XKR4: variants seen among roughly 807,000 people sequenced by gnomAD.
XKR4 encodes XK-related protein 4.
A neutral mutation model predicts 53.9 loss-of-function variants in XKR4; 12 were observed. The observed-to-expected ratio is 0.22, with a 90% confidence interval of 0.14 to 0.36. The LOEUF (loss-of-function observed/expected upper bound fraction) is 0.36, where lower values mean the gene tolerates loss of function less well. Ranked by LOEUF, XKR4 falls within the 10% of genes least tolerant of loss-of-function variation. The pLI is 1.00. For missense variants in XKR4, 799 were observed against 859.5 expected, an observed-to-expected ratio of 0.93 and a Z score of 0.88; for synonymous variants, 354 against 362.4, an observed-to-expected ratio of 0.98 and a Z score of 0.26.
rs1039574359 is a variant in XKR4, at chr8:55,527,349, G to A, written c.*3122G>A. 1.3e-5 allele frequency: 2 copies of A among 152,182 alleles called. No individual in the cohort carries two copies. Among genetic ancestry groups the A allele is most frequent in the African/African-American group, 4.8e-5 (2 of 41,450 alleles). The allele number at this position is 152,182 out of a possible 1,614,324, so 9.4% of individuals were successfully genotyped here. A position where few individuals can be genotyped will look rare whatever the true frequency, so the allele number is the denominator to read the frequency against. On this transcript the variant is annotated 3_prime_UTR_variant, in exon 3 of 3. Coordinates refer to ENST00000327381, the MANE Select transcript of XKR4 (RefSeq NM_052898.2). ...TCCTTATCTGCAGGCTCCTTTCTGT[G>A]TCTGAGTCCACTTTGATTCCATTTA...
At chr8:55,309,554 C>T (rs772011976) in intron 1 of XKR4, among the ~76,000 whole-genome samples, 7 of 152,080 alleles carry the variant, frequency 4.6e-5, no homozygotes, top group Non-Finnish European at 7.4e-5. Context: ...GAATTTAATA[C>T]ACACAAGCAC....
intron 1 of XKR4, among the ~76,000 whole-genome samples, chr8:55,307,775 G>A (rs1374932764): frequency 6.6e-6 from 1 of 152,128 alleles, no homozygotes; most frequent in Non-Finnish European, 1.5e-5. Flanking sequence ...TATCAAAATG[G>A]CTAAAATTAA....
In XKR4 at chr8:55,103,240, G is replaced by T. The variant is rs377746227; in HGVS notation, c.752G>T (p.Cys251Phe). ...GKHRSASCSF[C>F]IWLLQSLIHI... is the part of the protein sequence containing the mutation. ...CACAGGTCTGCGTCCTGCTCCTTCT[G>T]CATCTGGCTCCTGCAGTCACTCATC... The change falls in exon 1 of 3, where the codon TGC becomes TTC. Residue 251 changes from cysteine to phenylalanine, a missense_variant. Physicochemically the swap from Cys to Phe is radical, Grantham distance 205. This residue lies in a region of XKR4 where 476 missense variants were observed against 505.4 expected (regional missense o/e 0.94). Coordinates refer to ENST00000327381, the MANE Select transcript of XKR4 (RefSeq NM_052898.2). 1 of 1,613,704 alleles carries T rather than the reference G, an allele frequency of 6.2e-7. No homozygotes were observed. The highest frequency in any genetic ancestry group is 1.3e-5 in the African/African-American group (1 of 74,928).
intron 2 of XKR4, among the ~76,000 whole-genome samples, chr8:55,457,250 C>T (rs186183752): frequency 6.6e-6 from 1 of 150,490 alleles, no homozygotes; most frequent in South Asian, 2.1e-4. Context: ...TCACGCCATT[C>T]TCCTGCCTCA....
At chr8:55,322,158 C>A (rs1207441805) in intron 1 of XKR4, among the ~76,000 whole-genome samples, 1 of 152,160 alleles carries the variant, frequency 6.6e-6, no homozygotes, top group South Asian at 2.1e-4. Flanking sequence ...ATGCTTTTAT[C>A]CCTAAGTAAT....
At chr8:55,133,266 A>C (rs1816583250) in intron 1 of XKR4, among the ~76,000 whole-genome samples, 1 of 152,250 alleles carries the variant, frequency 6.6e-6, no homozygotes, top group South Asian at 2.1e-4. Context: ...TTTGGAAAGA[A>C]AACTTTTTAA....
At chr8:55,226,339 G>A (rs1585951308) in intron 1 of XKR4, among the ~76,000 whole-genome samples, 1 of 152,204 alleles carries the variant, frequency 6.6e-6, no homozygotes, top group African/African-American at 2.4e-5. Flanking sequence ...TGCACTCTCA[G>A]TAGGTGATTG....
In XKR4 at chr8:55,186,573, A is replaced by G. The variant is rs1011681497; in HGVS notation, c.806+83279A>G. 3.9e-5 allele frequency among the ~76,000 whole-genome samples: 6 copies of G among 152,040 alleles called. No homozygotes were observed. The East Asian group carries it at 9.7e-4, about 24-fold the overall frequency. On this transcript the variant is annotated intron_variant, in intron 1 of 2. Coordinates refer to ENST00000327381, the MANE Select transcript of XKR4 (RefSeq NM_052898.2). ...CAGGAGGCTGAGGCAAGAGAATGGC[A>G]TGAACCCAGGAGGCAGAGTTTGCAG...
Position 55,148,105 on chromosome 8 carries a change from G to A in XKR4, c.806+44811G>A, listed in dbSNP as rs114853759. On this transcript the variant is annotated intron_variant, in intron 1 of 2. Coordinates refer to ENST00000327381, the MANE Select transcript of XKR4 (RefSeq NM_052898.2). ...TGCAAAAAATGCATGAACACCGAGT[G>A]CTCAAGTGGTTCCATAAATACAGAG... Among the ~76,000 whole-genome samples the A allele has an allele frequency of 1.7e-3, 252 of 152,258 alleles. 2 individuals carry two copies. The highest frequency in any genetic ancestry group is 5.7e-3 in the African/African-American group (236 of 41,544).
At chr8:55,231,935 TC>T (rs1440936421) in intron 1 of XKR4, among the ~76,000 whole-genome samples, 9 of 152,336 alleles carry the variant, frequency 5.9e-5, no homozygotes, top group Middle Eastern at 3.4e-3. Context: ...TGTGCACATT[TC>T]CCACCTGAGG....
chr8:55,222,278 T>A (rs9298530), intron 1 of XKR4, among the ~76,000 whole-genome samples: 1 of 152,142 alleles, frequency 6.6e-6, no homozygotes, highest in East Asian at 1.9e-4. Flanking sequence ...CTAATATTTC[T>A]GCATTCTGCT....
At chr8:55,165,072 G>T (rs1817048140) in intron 1 of XKR4, among the ~76,000 whole-genome samples, 1 of 152,186 alleles carries the variant, frequency 6.6e-6, no homozygotes, top group Non-Finnish European at 1.5e-5. Context: ...AGTAGGATGG[G>T]CAGGTCCCAT....
At chr8:55,178,776 C>T (rs1817267713) in intron 1 of XKR4, among the ~76,000 whole-genome samples, 2 of 152,142 alleles carry the variant, frequency 1.3e-5, no homozygotes, top group African/African-American at 4.8e-5. Flanking sequence ...GGAACTCTTC[C>T]ATCTCTAACA....
chr8:55,450,799 G>C, intron 2 of XKR4: 1 of 523,510 alleles, frequency 1.9e-6, no homozygotes, highest in South Asian at 1.8e-5. Flanking sequence ...CTGCACCAAG[G>C]ATACCACATG....
chr8:55,441,063 A>C (rs1211536338), intron 2 of XKR4, among the ~76,000 whole-genome samples: 2 of 82,792 alleles, frequency 2.4e-5, no homozygotes, highest in Non-Finnish European at 4.5e-5. Context: ...CCTCATCTCT[A>C]CAAAAAAAAA....
intron 1 of XKR4, among the ~76,000 whole-genome samples, chr8:55,189,762 T>C (rs1450755240): frequency 6.6e-6 from 1 of 152,222 alleles, no homozygotes; most frequent in African/African-American, 2.4e-5. Context: ...AGCACTTTTG[T>C]TTCCTGTTCT....
At chr8:55,190,817 G>A (rs541684253) in intron 1 of XKR4, among the ~76,000 whole-genome samples, 2 of 152,250 alleles carry the variant, frequency 1.3e-5, no homozygotes, top group South Asian at 2.1e-4. Flanking sequence ...CGTACATGAC[G>A]TGCAGCCTTG....
At chr8:55,171,130 A>G (rs1337353814) in intron 1 of XKR4, among the ~76,000 whole-genome samples, 2 of 152,164 alleles carry the variant, frequency 1.3e-5, no homozygotes, top group Non-Finnish European at 2.9e-5. Context: ...ACACATACAC[A>G]CTGTACCGTG....
At chr8:55,290,010 T>C (rs934669353) in intron 1 of XKR4, among the ~76,000 whole-genome samples, 1 of 152,164 alleles carries the variant, frequency 6.6e-6, no homozygotes, top group Non-Finnish European at 1.5e-5. Flanking sequence ...GGCATTGTCA[T>C]TGTTTTTTAA....
Sources: allele counts gnomAD v4.1 joint callset (sites outside exome capture counted in the v4.1 genomes callset), GRCh38; gene constraint gnomAD v4.1.1; regional missense constraint gnomAD v4.1.1; transcripts MANE v1.5; gene names NCBI Gene and HGNC (gene_info 2026-07-23, HGNC 2026-07-21).